Variants in TENM3 observed in about 807,000 individuals in gnomAD.
TENM3 encodes the protein teneurin transmembrane protein 3.
A neutral mutation model predicts 255.1 loss-of-function variants in TENM3; 63 were observed. The ratio of observed to expected loss-of-function variants is 0.25; its 90% confidence interval spans 0.20 to 0.30. The LOEUF is 0.30. TENM3 is among the 10% of genes least tolerant of loss of function. The probability of loss-of-function intolerance (pLI) is 1.00; values close to 1 mark genes in which losing one functional copy is unlikely to be tolerated. For missense variants in TENM3, 2,929 were observed against 3,461.1 expected (o/e 0.85, Z 3.86); for synonymous variants, 1,306 against 1,322.3 (o/e 0.99, Z 0.27).
chr4:182,538,986 T>C (rs1046339161), intron 3 of TENM3, among the ~76,000 whole-genome samples: 1 of 151,816 alleles, frequency 6.6e-6, no homozygotes, highest in East Asian at 1.9e-4. Context: ...GCTGAGTAGC[T>C]CAAGGGAAAT....
chr4:181,830,824 T>C, the TENM3 span, among the ~76,000 whole-genome samples: 1 of 152,160 alleles, frequency 6.6e-6, no homozygotes, highest in Non-Finnish European at 1.5e-5. Context: ...GTCACCAAGT[T>C]TCCTGAGTGT....
chr4:181,821,001 A>G, the TENM3 span, among the ~76,000 whole-genome samples: 2,663 of 152,184 alleles, frequency 0.017, 79 homozygotes, highest in African/African-American at 0.061. Context: ...CTTTATTTCA[A>G]TTTCCAGGTT....
At chr4:181,504,153 G>C in the TENM3 span, among the ~76,000 whole-genome samples, 1 of 152,186 alleles carries the variant, frequency 6.6e-6, no homozygotes, top group South Asian at 2.1e-4. Flanking sequence ...GGCCCTCATG[G>C]TCAAGTGCAG....
chr4:182,646,268 C>T (rs1752730373), intron 5 of TENM3, among the ~76,000 whole-genome samples: 5 of 152,106 alleles, frequency 3.3e-5, no homozygotes, highest in Admixed American at 3.3e-4. Context: ...TGTGAATAGC[C>T]TGTAAGACTT....
intron 12 of TENM3, among the ~76,000 whole-genome samples, chr4:182,710,589 G>T (rs1340719605): frequency 1.3e-5 from 2 of 152,168 alleles, no homozygotes; most frequent in Non-Finnish European, 2.9e-5. Context: ...TCAAAACCAT[G>T]TACTGTTTTG....
chr4:182,368,547 G>A (rs964967178), intron 3 of TENM3, among the ~76,000 whole-genome samples: 3 of 152,156 alleles, frequency 2.0e-5, no homozygotes, highest in Admixed American at 6.5e-5. Context: ...ATTGAGGGCT[G>A]TTACCATTTT....
At chr4:182,708,257 C>T (rs528021101) in intron 12 of TENM3, among the ~76,000 whole-genome samples, 1 of 152,202 alleles carries the variant, frequency 6.6e-6, no homozygotes, top group South Asian at 2.1e-4. Context: ...CTACAGCGAG[C>T]AGGGCTGGCG....
At chr4:182,508,904 C>G (rs1301358450) in intron 3 of TENM3, among the ~76,000 whole-genome samples, 1 of 152,120 alleles carries the variant, frequency 6.6e-6, no homozygotes, top group Non-Finnish European at 1.5e-5. Context: ...TACATGCCAG[C>G]TATAATGAGA....
At chr4:181,936,006 G>A in the TENM3 span, among the ~76,000 whole-genome samples, 3 of 152,084 alleles carry the variant, frequency 2.0e-5, no homozygotes, top group Admixed American at 1.3e-4. Flanking sequence ...CTCTAGCTTG[G>A]CACATAATAG....
the TENM3 span, chr4:182,012,916 T>C: frequency 6.6e-6 from 1 of 152,194 alleles, no homozygotes; most frequent in African/African-American, 2.4e-5. Flanking sequence ...AATTTTCCTG[T>C]AGCAAGCATC....
chr4:182,282,279 G>T (rs554637490), intron 1 of TENM3, among the ~76,000 whole-genome samples: 20 of 152,260 alleles, frequency 1.3e-4, no homozygotes, highest in African/African-American at 4.3e-4. Flanking sequence ...GCATCTTCAA[G>T]GTAATTGCCA....
chr4:182,076,215 T>G, the TENM3 span, among the ~76,000 whole-genome samples: 45 of 27,138 alleles, frequency 1.7e-3, no homozygotes, highest in Admixed American at 4.0e-3. Flanking sequence ...TTCTTCTTCT[T>G]TTTTTTTTTT....
the TENM3 span, among the ~76,000 whole-genome samples, chr4:182,041,367 CT>C: frequency 5.9e-5 from 9 of 152,106 alleles, no homozygotes; most frequent in South Asian, 1.7e-3. Context: ...CAACATTTCA[CT>C]TTTTGTAATG....
chr4:182,464,948 C>A (rs1177114068), intron 3 of TENM3, among the ~76,000 whole-genome samples: 1 of 152,076 alleles, frequency 6.6e-6, no homozygotes, highest in Non-Finnish European at 1.5e-5. Flanking sequence ...TGTGTTCATT[C>A]TTTTGATGTT....
chr4:182,099,935 C>T, the TENM3 span, among the ~76,000 whole-genome samples: 2 of 152,090 alleles, frequency 1.3e-5, no homozygotes, highest in Non-Finnish European at 2.9e-5. Context: ...AACAATTGTA[C>T]CTTTAGAGCA....
the TENM3 span, among the ~76,000 whole-genome samples, chr4:181,511,735 T>C: frequency 0.76 from 115,102 of 152,124 alleles, 43,754 homozygotes; most frequent in South Asian, 0.82. Context: ...AAGAACTCGC[T>C]CTGGGGACCT....
the TENM3 span, among the ~76,000 whole-genome samples, chr4:181,580,622 C>G: frequency 2.0e-5 from 3 of 152,018 alleles, no homozygotes; most frequent in Admixed American, 6.5e-5. Context: ...GAAGGAGAAA[C>G]GAGGGAGTCC....
the TENM3 span, among the ~76,000 whole-genome samples, chr4:182,115,201 T>G: frequency 6.6e-6 from 1 of 152,066 alleles, no homozygotes; most frequent in Admixed American, 6.6e-5. Flanking sequence ...ATAAAATATC[T>G]ACAAACCCTC....
chr4:181,523,802 T>G, the TENM3 span, among the ~76,000 whole-genome samples: 2 of 152,184 alleles, frequency 1.3e-5, no homozygotes, highest in African/African-American at 4.8e-5. Flanking sequence ...GTTTTAACCT[T>G]CAGAAGTATC....
Sources: gnomAD v4.1 joint callset for allele counts (sites outside exome capture counted in the v4.1 genomes callset) on GRCh38, gnomAD v4.1.1 for gene constraint, MANE v1.5 for transcripts, NCBI Gene and HGNC (gene_info 2026-07-23, HGNC 2026-07-21) for gene names.